Variants in ABRAXAS2 observed in about 807,000 individuals in gnomAD.
The protein encoded by ABRAXAS2 is abraxas 2, BRISC complex subunit.
A neutral mutation model predicts 49.0 loss-of-function variants in ABRAXAS2; 23 were observed. That is an observed-to-expected ratio of 0.47 (90% CI 0.34 to 0.66). The LOEUF (loss-of-function observed/expected upper bound fraction) is 0.66. ABRAXAS2 is among the 30% of genes least tolerant of loss of function. The pLI is 0.01. For missense variants in ABRAXAS2, 443 were observed against 511.9 expected (o/e 0.87, Z 1.30); for synonymous variants, 168 against 180.2 (o/e 0.93, Z 0.54).
At chr10:124,827,769 C>T (rs921811498) in intron 5 of ABRAXAS2, among the ~76,000 whole-genome samples, 4 of 150,884 alleles carry the variant, frequency 2.7e-5, no homozygotes, top group Non-Finnish European at 4.4e-5. Context: ...AAAAAAACCA[C>T]CCCTATGATT....
chr10:124,823,498 C>T (rs959554423), intron 4 of ABRAXAS2, among the ~76,000 whole-genome samples: 2 of 152,214 alleles, frequency 1.3e-5, no homozygotes, highest in Non-Finnish European at 2.9e-5. Flanking sequence ...AAGGAGGATT[C>T]GTGCTTTCCG....
intron 1 of ABRAXAS2, among the ~76,000 whole-genome samples, chr10:124,802,968 A>G (rs1426498666): frequency 6.6e-6 from 1 of 152,208 alleles, no homozygotes; most frequent in Admixed American, 6.5e-5. Flanking sequence ...TGATGGTAGA[A>G]CTTAATGATA....
At chr10:124,809,596 G>A (rs570689096) in intron 2 of ABRAXAS2, among the ~76,000 whole-genome samples, 2 of 151,762 alleles carry the variant, frequency 1.3e-5, no homozygotes, top group South Asian at 2.1e-4. Flanking sequence ...CCAAGGGTGT[G>A]TATTGAAGTT....
At chr10:124,803,631 G>A (rs907957463) in intron 1 of ABRAXAS2, among the ~76,000 whole-genome samples, 2 of 152,220 alleles carry the variant, frequency 1.3e-5, no homozygotes, top group African/African-American at 4.8e-5. Context: ...GCTGGACACG[G>A]TAGCTCATGC....
intron 1 of ABRAXAS2, among the ~76,000 whole-genome samples, chr10:124,804,182 C>A (rs1316271779): frequency 6.6e-6 from 1 of 152,136 alleles, no homozygotes; most frequent in Admixed American, 6.5e-5. Flanking sequence ...AGATTACAGG[C>A]GTGACCCACC....
chr10:124,831,001 T>C (rs1195048914), intron 7 of ABRAXAS2, among the ~76,000 whole-genome samples: 1 of 152,246 alleles, frequency 6.6e-6, no homozygotes, highest in Non-Finnish European at 1.5e-5. Flanking sequence ...AAGCATCTTA[T>C]TCCTGTCTTA....
At position 124,835,082 on chromosome 10, in the gene ABRAXAS2, C is replaced by A; in HGVS notation, c.*111C>A. 1.3e-6 allele frequency: 1 copy of A among 787,932 alleles called. No homozygotes were observed. The highest frequency in any genetic ancestry group is 2.0e-6 in the Non-Finnish European group (1 of 502,222). The allele number at this position is 787,932 out of a possible 1,614,324, so 48.8% of individuals were successfully genotyped here. ...CTGCTTTCTCAGATACCTTAACTCC[C>A]GAGAAGAGAGTCCTTGTGCACAGAA... On this transcript the variant is annotated 3_prime_UTR_variant, in exon 9 of 9. Coordinates refer to ENST00000298492, the MANE Select transcript of ABRAXAS2 (RefSeq NM_032182.4).
chr10:124,804,183 G>A (rs1158856714), intron 1 of ABRAXAS2, among the ~76,000 whole-genome samples: 3 of 152,174 alleles, frequency 2.0e-5, no homozygotes, highest in African/African-American at 4.8e-5. Context: ...GATTACAGGC[G>A]TGACCCACCG....
intron 1 of ABRAXAS2, among the ~76,000 whole-genome samples, chr10:124,805,258 C>T (rs1485504615): frequency 1.3e-5 from 2 of 150,622 alleles, no homozygotes; most frequent in African/African-American, 4.9e-5. Context: ...GCGTGAACCC[C>T]GGGAGGCGGA....
At chr10:124,802,197 G>C (rs1318369643) in intron 1 of ABRAXAS2, among the ~76,000 whole-genome samples, 1 of 152,176 alleles carries the variant, frequency 6.6e-6, no homozygotes, top group African/African-American at 2.4e-5. Context: ...GGAGTCGCTC[G>C]GTGGAAACCG....
intron 3 of ABRAXAS2, 104 bp from the exon 4 acceptor site, chr10:124,819,280 G>A (rs1950845653): frequency 1.2e-6 from 1 of 848,572 alleles, no homozygotes; most frequent in Non-Finnish European, 2.0e-6. Context: ...TGTGTAAGGT[G>A]AGAAGTTAGG....
At chr10:124,803,816 G>T (rs9664971) in intron 1 of ABRAXAS2, among the ~76,000 whole-genome samples, 1 of 152,126 alleles carries the variant, frequency 6.6e-6, no homozygotes, top group Non-Finnish European at 1.5e-5. Flanking sequence ...CAGGAAAATC[G>T]CTTGAACCCG....
At chr10:124,816,017 C>T (rs929179601) in intron 2 of ABRAXAS2, among the ~76,000 whole-genome samples, 12 of 151,678 alleles carry the variant, frequency 7.9e-5, no homozygotes, top group African/African-American at 2.7e-4. Context: ...ATTCTCCTGC[C>T]TCAGCCTCCC....
chr10:124,829,802 A>G (rs535806275), intron 7 of ABRAXAS2, among the ~76,000 whole-genome samples: 8 of 152,340 alleles, frequency 5.3e-5, no homozygotes, highest in African/African-American at 1.9e-4. Context: ...TTCTAAGTAG[A>G]GACAATATCA....
At chr10:124,829,526 C>G in intron 7 of ABRAXAS2, 49 bp downstream of exon 7, 1 of 1,251,864 alleles carries the variant, frequency 8.0e-7, no homozygotes, top group Non-Finnish European at 1.1e-6. Context: ...TGCCCAAAAG[C>G]TTTTAATTCT....
rs952047251 is a variant in ABRAXAS2 at position 124,814,640 on chromosome 10, C to T, written c.164-1936C>T. ...ACAGGTGTGAGCTACTGCACCTGGC[C>T]TTTATTTATTTATTTATTTATATTT... On this transcript the variant is annotated intron_variant, in intron 2 of 8. Transcript: ENST00000298492. 5.4e-5 allele frequency among the ~76,000 whole-genome samples: 8 copies of T among 149,120 alleles called. 1 individual carries two copies. Among genetic ancestry groups the T allele is most frequent in the African/African-American group, 2.0e-4 (8 of 40,444 alleles).
At position 124,834,535 on chromosome 10, in the gene ABRAXAS2, C is replaced by G. The variant is rs765356910; in HGVS notation, c.812C>G (p.Pro271Arg). 1 of 1,613,966 alleles carries G rather than the reference C, an allele frequency of 6.2e-7. No homozygotes were observed. Reference protein sequence around the residue: ...LQQAVLSRQMPSESLDPAFSP... With the variant: ...LQQAVLSRQMRSESLDPAFSP... ...CAGGCAGTGTTAAGCAGACAGATGCCGTCTGAAAGCTTGGACCCAGCGTTC... is the reference window on the plus strand; with the variant it reads ...CAGGCAGTGTTAAGCAGACAGATGCGGTCTGAAAGCTTGGACCCAGCGTTC... Residue 271 changes from proline (P) to arginine (R), a missense_variant, in exon 9 of 9, where the codon CCG becomes CGG. Around this residue, in one of 3 missense-constraint regions of ABRAXAS2, gnomAD observed 230 missense variants for 237.0 expected, o/e 0.97. Transcript: ENST00000298492.
At chr10:124,832,295 C>T (rs1950938668) in intron 8 of ABRAXAS2, among the ~76,000 whole-genome samples, 2 of 152,260 alleles carry the variant, frequency 1.3e-5, no homozygotes, top group Admixed American at 6.5e-5. Flanking sequence ...AAGGAACAAA[C>T]TGACTGAATG....
intron 4 of ABRAXAS2, among the ~76,000 whole-genome samples, chr10:124,822,390 G>A (rs1950867112): frequency 6.6e-6 from 1 of 152,308 alleles, no homozygotes; most frequent in South Asian, 2.1e-4. Flanking sequence ...ACTTGGGAAA[G>A]GGAGTGAATA....
Sources: allele counts gnomAD v4.1 joint callset (sites outside exome capture counted in the v4.1 genomes callset), GRCh38; gene constraint gnomAD v4.1.1; regional missense constraint gnomAD v4.1.1; transcripts MANE v1.5; gene names NCBI Gene and HGNC (gene_info 2026-07-23, HGNC 2026-07-21).